The following CAMK1D variants were observed in gnomAD, a reference collection of about 807,000 sequenced individuals.
CAMK1D encodes calcium/calmodulin dependent protein kinase ID, also known as calcium/calmodulin-dependent protein kinase type 1D.
A neutral mutation model predicts 47.7 loss-of-function variants in CAMK1D; 9 were observed. The observed-to-expected ratio is 0.19, with a 90% CI of 0.11 to 0.33. The LOEUF (loss-of-function observed/expected upper bound fraction) is 0.33. CAMK1D is among the 10% of genes least tolerant of loss of function. CAMK1D has a pLI of 1.00. For synonymous variants in CAMK1D, 184 were observed against 184.9 expected (o/e 0.99, Z 0.04); for missense variants, 291 against 488.7 (o/e 0.60, Z 3.81).
rs113426367 is a variant in CAMK1D, at chr10:12,714,480, G to C, written c.300-46468G>C. ...TCACGCCTGTAATCCCAGCACTTTG[G>C]GGGGCCAAGGCAGGCGGATCACGAG... On this transcript the variant is annotated intron_variant, in intron 3 of 10. Transcript: ENST00000619168. Among the ~76,000 whole-genome samples, 83 of 152,134 alleles carry C rather than the reference G, an allele frequency of 5.5e-4. No homozygotes were observed. The Middle Eastern group carries it at 0.014, about 25-fold the overall frequency.
At position 12,651,840 on chromosome 10, in the gene CAMK1D, G is replaced by A. The variant is rs369449824; in HGVS notation, c.225-14896G>A. 7.9e-5 allele frequency among the ~76,000 whole-genome samples: 12 copies of A among 151,738 alleles called. 1 individual carries two copies. The East Asian group carries it at 1.2e-3, about 15-fold the overall frequency. ...GTCGCCCAGGCTGGAGTGCAGTGGC[G>A]CGATCTCGGCTCACTGCAAGCCACC... is the stretch of plus-strand genomic sequence containing the variant. On this transcript the variant is annotated intron_variant, in intron 2 of 10. Coordinates refer to ENST00000619168, the MANE Select transcript of CAMK1D (RefSeq NM_153498.4).
intron 2 of CAMK1D, among the ~76,000 whole-genome samples, chr10:12,663,977 AAG>A (rs1487797659): frequency 5.9e-5 from 9 of 152,154 alleles, no homozygotes; most frequent in Non-Finnish European, 2.9e-5. Flanking sequence ...CACTTTTCTT[AAG>A]AGACATTAAG....
At chr10:12,636,426 C>G (rs918958575) in intron 2 of CAMK1D, among the ~76,000 whole-genome samples, 1 of 152,230 alleles carries the variant, frequency 6.6e-6, no homozygotes, top group African/African-American at 2.4e-5. Context: ...CTCTGGGGCT[C>G]AAGCGATCCT....
chr10:12,678,618 T>G (rs1588775469), intron 3 of CAMK1D, among the ~76,000 whole-genome samples: 1 of 152,308 alleles, frequency 6.6e-6, no homozygotes, highest in Non-Finnish European at 1.5e-5. Flanking sequence ...TCCCTTCAGT[T>G]CTGTTGATGT....
chr10:12,457,824 G>A (rs995956220), intron 1 of CAMK1D, among the ~76,000 whole-genome samples: 13 of 150,326 alleles, frequency 8.6e-5, no homozygotes, highest in African/African-American at 2.7e-4. Context: ...ACGAACATAT[G>A]TATGTGAATT....
intron 5 of CAMK1D, among the ~76,000 whole-genome samples, chr10:12,784,126 C>T (rs1478492433): frequency 2.0e-5 from 3 of 151,882 alleles, no homozygotes; most frequent in African/African-American, 7.3e-5. Context: ...TCTGAGAGAT[C>T]GTGTAACAAA....
At chr10:12,567,953 T>G (rs61848327) in intron 2 of CAMK1D, among the ~76,000 whole-genome samples, 21,090 of 152,142 alleles carry the variant, frequency 0.14, 2,620 homozygotes, top group African/African-American at 0.34. Flanking sequence ...TTCCATGTTC[T>G]GTTGGATTCA....
intron 1 of CAMK1D, among the ~76,000 whole-genome samples, chr10:12,533,774 A>C (rs1835881172): frequency 6.6e-6 from 1 of 152,188 alleles, no homozygotes; most frequent in South Asian, 2.1e-4. Context: ...TTATCATCTC[A>C]TGTAAAATAA....
chr10:12,541,620 A>G (rs949116717), intron 1 of CAMK1D, among the ~76,000 whole-genome samples: 5 of 152,006 alleles, frequency 3.3e-5, no homozygotes, highest in African/African-American at 1.2e-4. Flanking sequence ...TGGCCCCCCA[A>G]AAGTGCTGGG....
intron 1 of CAMK1D, among the ~76,000 whole-genome samples, chr10:12,517,281 C>CT (rs1286387583): frequency 2.6e-5 from 4 of 152,056 alleles, no homozygotes; most frequent in African/African-American, 9.7e-5. Flanking sequence ...TGGGTCAGTT[C>CT]TTTGAGATTT....
chr10:12,458,808 G>T (rs977309963), intron 1 of CAMK1D, among the ~76,000 whole-genome samples: 1 of 151,612 alleles, frequency 6.6e-6, no homozygotes, highest in African/African-American at 2.4e-5. Context: ...CAGCAGTCAG[G>T]ATTACATTTT....
chr10:12,701,546 C>A (rs1345919864), intron 3 of CAMK1D, among the ~76,000 whole-genome samples: 2 of 152,162 alleles, frequency 1.3e-5, no homozygotes, highest in Non-Finnish European at 2.9e-5. Flanking sequence ...CCCTCTCTTT[C>A]AGTTCGATTT....
At chr10:12,620,285 A>C (rs1801113015) in intron 2 of CAMK1D, among the ~76,000 whole-genome samples, 1 of 151,694 alleles carries the variant, frequency 6.6e-6, no homozygotes. Flanking sequence ...CTCTGGGATA[A>C]ATGCCAGGAG....
intron 1 of CAMK1D, among the ~76,000 whole-genome samples, chr10:12,542,583 G>A (rs1836230984): frequency 6.6e-6 from 1 of 152,142 alleles, no homozygotes; most frequent in South Asian, 2.1e-4. Flanking sequence ...AAAGTCAGAG[G>A]AGTCCTCTTG....
intron 1 of CAMK1D, among the ~76,000 whole-genome samples, chr10:12,412,399 C>G (rs1196984975): frequency 7.0e-6 from 1 of 143,438 alleles, no homozygotes; most frequent in Admixed American, 7.5e-5. Flanking sequence ...CACCTGAGAT[C>G]AGGAGTTCGA....
intron 6 of CAMK1D, among the ~76,000 whole-genome samples, chr10:12,810,331 G>C (rs986542673): frequency 6.9e-6 from 1 of 145,618 alleles, no homozygotes; most frequent in African/African-American, 2.6e-5. Flanking sequence ...CTGGAGTGCA[G>C]TGGTGTGATC....
At chr10:12,539,433 A>T (rs1171450440) in intron 1 of CAMK1D, among the ~76,000 whole-genome samples, 1 of 152,198 alleles carries the variant, frequency 6.6e-6, no homozygotes, top group Non-Finnish European at 1.5e-5. Flanking sequence ...GAATGGCCAG[A>T]TGAGGGATGG....
chr10:12,707,769 A>C (rs1301441458), intron 3 of CAMK1D, among the ~76,000 whole-genome samples: 1 of 152,238 alleles, frequency 6.6e-6, no homozygotes, highest in African/African-American at 2.4e-5. Context: ...CAAGAACACC[A>C]GGGGGCCTCG....
intron 8 of CAMK1D, among the ~76,000 whole-genome samples, chr10:12,820,013 C>T (rs530312119): frequency 3.9e-5 from 6 of 152,248 alleles, no homozygotes; most frequent in South Asian, 4.1e-4. Context: ...GGAGGAGGGG[C>T]AGGCTTGGAG....
Sources: allele counts gnomAD v4.1 joint callset (sites outside exome capture counted in the v4.1 genomes callset), GRCh38; gene constraint gnomAD v4.1.1; transcripts MANE v1.5; gene names NCBI Gene and HGNC (gene_info 2026-07-23, HGNC 2026-07-21).